Variants in FAM228B observed in about 807,000 individuals in gnomAD.
FAM228B encodes the protein protein FAM228B.
In FAM228B, 38 loss-of-function variants were observed where a neutral mutation model predicts 42.6. The ratio of observed to expected loss-of-function variants is 0.89; its 90% CI spans 0.69 to 1.17. FAM228B has a LOEUF of 1.17. Ranked by LOEUF, FAM228B falls within the 50% of genes most tolerant of loss-of-function variation. FAM228B has a pLI of 0.00. For missense variants in FAM228B, 344 were observed against 367.3 expected (o/e 0.94, Z 0.52); for synonymous variants, 109 against 122.3 (o/e 0.89, Z 0.72).
chr2:24,084,275 T>A lies in FAM228B; in HGVS notation c.-210+3320T>A, dbSNP rs754975402. On this transcript the variant is annotated intron_variant, in intron 2 of 10. Coordinates refer to the FAM228B transcript ENST00000613899. The surrounding 1 kb of genome is among the most constrained non-coding windows in gnomAD (Gnocchi z 8.4). ...CCCGGGCTCGGCTTGGCCACCTCCT[T>A]CACGTAGAGGTTTTCCGGTCCTCCC... 2.5e-6 allele frequency: 4 copies of A among 1,614,106 alleles called. No homozygotes were observed. The highest frequency in any genetic ancestry group is 3.4e-6 in the Non-Finnish European group (4 of 1,179,986).
At chr2:24,150,053 AT>A (rs1666990578) in intron 7 of FAM228B, among the ~76,000 whole-genome samples, 1 of 152,088 alleles carries the variant, frequency 6.6e-6, no homozygotes, top group Admixed American at 6.5e-5. Flanking sequence ...TTATTATACT[AT>A]TTTTTGAAAA....
At position 24,077,896 on chromosome 2, in the gene FAM228B, C is replaced by A; in HGVS notation, c.-290+927C>A. 1 of 883,700 alleles carries A rather than the reference C, an allele frequency of 1.1e-6. No homozygotes were observed. Among genetic ancestry groups the A allele is most frequent in the South Asian group, 1.7e-5 (1 of 57,240 alleles). 54.7% of individuals were successfully genotyped at this position (883,700 alleles called of 1,614,324 possible). On this transcript the variant is annotated intron_variant, in intron 1 of 10. Coordinates refer to the FAM228B transcript ENST00000613899. The surrounding 1 kb of genome is among the most constrained non-coding windows in gnomAD (Gnocchi z 5.5). ...ACAGGGACACTTAACCCCTCACTTCCTAGCATGTGTGTGAAATACCCTTGA... is the reference window on the plus strand; with the variant it reads ...ACAGGGACACTTAACCCCTCACTTCATAGCATGTGTGTGAAATACCCTTGA...
chr2:24,161,480 T>C (rs1158426590), intron 7 of FAM228B, 26 bp from the exon 8 acceptor site: 1 of 1,327,078 alleles, frequency 7.5e-7, no homozygotes, highest in Non-Finnish European at 1.0e-6. Context: ...CAAAAAAACC[T>C]TCTCACACTT....
rs528601573 is a variant in FAM228B at position 24,167,933 on chromosome 2, C to G, written c.*14+250C>G. On this transcript the variant is annotated intron_variant, in intron 10 of 10. Coordinates refer to ENST00000615575, the MANE Select transcript of FAM228B (RefSeq NM_001145710.2). ...TTCCAAGTGATCTTCAGAGAAAATTCCTATTGCTTGGAATTTCTCACCGGA... is the reference window on the plus strand; with the variant it reads ...TTCCAAGTGATCTTCAGAGAAAATTGCTATTGCTTGGAATTTCTCACCGGA... 1.4e-4 allele frequency: 56 copies of G among 412,302 alleles called. 1 individual carries two copies. In the South Asian group the frequency reaches 1.7e-3, roughly 13 times the overall value. The allele number at this position is 412,302 out of a possible 1,614,324, so 25.5% of individuals were successfully genotyped here.
Position 24,084,421 on chromosome 2 carries a change from G to T in FAM228B, c.-210+3466G>T. 2 of 1,214,492 alleles carry T rather than the reference G, an allele frequency of 1.6e-6. No individual in the cohort carries two copies. Among genetic ancestry groups the T allele is most frequent in the Non-Finnish European group, 1.1e-6 (1 of 914,582 alleles). 75.2% of individuals were successfully genotyped at this position (1,214,492 alleles called of 1,614,324 possible). A position where few individuals can be genotyped will look rare whatever the true frequency, so the allele number is the denominator to read the frequency against. On this transcript the variant is annotated intron_variant, in intron 2 of 10. Transcript: ENST00000613899. This position sits in a 1 kb window ranked among gnomAD's most constrained non-coding sequence, Gnocchi z 8.4. ...CAGGGCAGGACAGGACAGGGCAGGG[G>T]CCGCTGTATCCTCGCGGAGCAGCCC...
intron 1 of FAM228B, among the ~76,000 whole-genome samples, chr2:24,078,480 TA>T (rs36089798): frequency 0.61 from 63,645 of 104,768 alleles, 18,428 homozygotes; most frequent in East Asian, 0.76. Context: ...CCTGTCTCCA[TA>T]AAAAAAAAAA....
chr2:24,124,691 A>G (rs1297880866), intron 2 of FAM228B, among the ~76,000 whole-genome samples: 2 of 151,976 alleles, frequency 1.3e-5, no homozygotes, highest in Admixed American at 6.5e-5. Flanking sequence ...ACATAGCTAT[A>G]AGTTTCTCTT....
chr2:24,118,045 A>G (rs1052910662), intron 3 of FAM228B, among the ~76,000 whole-genome samples: 4 of 152,208 alleles, frequency 2.6e-5, no homozygotes, highest in African/African-American at 9.6e-5. Context: ...CTTTAGTGCC[A>G]GCCACATGAC....
chr2:24,119,517 C>T (rs1666028290), upstream of FAM228B: 7 of 1,228,220 alleles, frequency 5.7e-6, no homozygotes, highest in Non-Finnish European at 8.2e-6. Context: ...CTCTGTTACT[C>T]GTAGTCGGAA....
intron 9 of FAM228B, 151 bp from the exon 10 acceptor site, chr2:24,167,476 C>G (rs1667450677): frequency 1.2e-6 from 1 of 856,320 alleles, no homozygotes; most frequent in African/African-American, 1.7e-5. Context: ...CCTCACTGTC[C>G]ATTTAAACCT....
chr2:24,078,480 T>TA (rs36089798), intron 1 of FAM228B, among the ~76,000 whole-genome samples: 1,313 of 104,888 alleles, frequency 0.013, 16 homozygotes, highest in African/African-American at 0.044. Flanking sequence ...CCTGTCTCCA[T>TA]AAAAAAAAAA....
upstream of FAM228B, chr2:24,121,194 C>T (rs573212540): frequency 1.4e-5 from 23 of 1,614,134 alleles, no homozygotes; most frequent in South Asian, 9.9e-5. Flanking sequence ...TTCATCTGCC[C>T]GGACACATCT....
upstream of FAM228B, chr2:24,123,121 CG>C (rs1264614505): frequency 6.6e-6 from 1 of 152,554 alleles, no homozygotes; most frequent in Non-Finnish European, 1.5e-5. Flanking sequence ...TCAGGACCTC[CG>C]GCACAGGCGC....
rs1230907585 is a variant in FAM228B at position 24,080,680 on chromosome 2, T to C, written c.-289-196T>C. 1 of 882,268 alleles carries C rather than the reference T, an allele frequency of 1.1e-6. No individual in the cohort carries two copies. Among genetic ancestry groups the C allele is most frequent in the African/African-American group, 1.7e-5 (1 of 59,742 alleles). The allele number at this position is 882,268 out of a possible 1,614,324, so 54.7% of individuals were successfully genotyped here. On this transcript the variant is annotated intron_variant, in intron 1 of 10. Coordinates refer to the FAM228B transcript ENST00000613899. The surrounding 1 kb of genome is among the most constrained non-coding windows in gnomAD (Gnocchi z 4.7). ...TGTCTCCAGTGGTCAAATACCATAG[T>C]ACTAGAATTTGGCCAGGGCAGCTGT...
chr2:24,125,968 A>C (rs1185155214), intron 2 of FAM228B, among the ~76,000 whole-genome samples: 1 of 152,080 alleles, frequency 6.6e-6, no homozygotes, highest in African/African-American at 2.4e-5. Flanking sequence ...CACTCATCAT[A>C]ATTATTTTGC....
chr2:24,093,345 C>T (rs1400871253), intron 2 of FAM228B, among the ~76,000 whole-genome samples: 2 of 151,958 alleles, frequency 1.3e-5, no homozygotes, highest in Admixed American at 6.6e-5. Context: ...TGTCCCCCTC[C>T]GTGTGTCCAC....
chr2:24,146,936 T>C lies in FAM228B; in HGVS notation c.536T>C (p.Ile179Thr). Residue 179 changes from isoleucine (I) to threonine (T), a missense_variant, in exon 7 of 11, where the codon ATA (isoleucine) becomes ACA (threonine). Physicochemically the swap from Ile to Thr is moderately conservative, Grantham distance 89 (BLOSUM62 -1). Transcript: ENST00000615575. ...RTLLQCETGK[I>T]YSIKEFKEVE... ...ATTTTTATTCTTCCTTCAGGCAAAA[T>C]ATATTCAATAAAGGAATTCAAAGAA... 1 of 1,550,972 alleles carries C rather than the reference T, an allele frequency of 6.4e-7. No individual in the cohort carries two copies. The highest frequency in any genetic ancestry group is 8.7e-7 in the Non-Finnish European group (1 of 1,146,602).
At chr2:24,119,696 A>G (rs904515839), upstream of FAM228B, 7 of 1,589,142 alleles carry the variant, frequency 4.4e-6, no homozygotes, top group African/African-American at 2.7e-5. Flanking sequence ...TATAAAGAAT[A>G]TAAGAGAATA....
chr2:24,143,599 C>T (rs1470343032), intron 5 of FAM228B, among the ~76,000 whole-genome samples: 1 of 152,124 alleles, frequency 6.6e-6, no homozygotes, highest in African/African-American at 2.4e-5. Context: ...TATGAGAATC[C>T]ACCTGTCTTC....
Sources: allele counts gnomAD v4.1 joint callset (sites outside exome capture counted in the v4.1 genomes callset), GRCh38; gene constraint gnomAD v4.1.1; non-coding constraint Gnocchi (gnomAD v3.1); transcripts MANE v1.5; gene names NCBI Gene and HGNC (gene_info 2026-07-23, HGNC 2026-07-21).